Variants in NSD3 observed in about 807,000 individuals in gnomAD.
NSD3 encodes nuclear receptor binding SET domain protein 3.
Under a neutral mutation model 160.8 loss-of-function variants are expected in NSD3, and 24 were observed. The ratio of observed to expected loss-of-function variants is 0.15; its 90% CI spans 0.11 to 0.21. The LOEUF (loss-of-function observed/expected upper bound fraction) is 0.21, where lower values mean the gene tolerates loss of function less well. Ranked by LOEUF, NSD3 falls within the 10% of genes least tolerant of loss-of-function variation. NSD3 has a pLI of 1.00. For synonymous variants in NSD3, 520 were observed against 600.0 expected, an observed-to-expected ratio of 0.87 and a Z score of 1.95; for missense variants, 1,157 against 1,735.9, an observed-to-expected ratio of 0.67 and a Z score of 5.93.
intron 12 of NSD3, among the ~76,000 whole-genome samples, chr8:38,308,448 T>TA (rs1809457225): frequency 6.6e-6 from 1 of 152,028 alleles, no homozygotes; most frequent in Non-Finnish European, 1.5e-5. Context: ...TTTTAAAAAT[T>TA]AAAAAAATAT....
In NSD3 at chr8:38,351,224, G is replaced by A. The variant is rs552207509; in HGVS notation, c.-44-3009C>T. Reference sequence around the variant, plus strand: ...GATCTCCTGACCTCGTGATCCGCCCGCCTCAGCCTGCCAAAGTGCTGGGAT... The same window carrying A: ...GATCTCCTGACCTCGTGATCCGCCCACCTCAGCCTGCCAAAGTGCTGGGAT... On this transcript the variant is annotated intron_variant, in intron 1 of 23. Coordinates refer to ENST00000317025, the MANE Select transcript of NSD3 (RefSeq NM_023034.2). 2.1e-4 allele frequency among the ~76,000 whole-genome samples: 31 copies of A among 150,130 alleles called. 1 individual carries two copies. The East Asian group carries it at 2.6e-3, about 13-fold the overall frequency.
Position 38,275,538 on chromosome 8 carries a change from G to A in NSD3, c.*103C>T. 1 of 1,182,072 alleles carries A rather than the reference G, an allele frequency of 8.5e-7. No individual in the cohort carries two copies. Among genetic ancestry groups the A allele is most frequent in the South Asian group, 1.6e-5 (1 of 60,884 alleles). The allele number at this position is 1,182,072 out of a possible 1,614,324, so 73.2% of individuals were successfully genotyped here. ...TTCCCATTTTTGCTTTAATAAGGCAGTTCCGATGGCAAAGGCTGTATGCAC... is the reference window on the plus strand; with the variant it reads ...TTCCCATTTTTGCTTTAATAAGGCAATTCCGATGGCAAAGGCTGTATGCAC... On this transcript the variant is annotated 3_prime_UTR_variant, in exon 24 of 24. Transcript: ENST00000317025.
At chr8:38,296,039 T>TA (rs1293097576) in intron 15 of NSD3, 87 bp from the exon 16 acceptor site, 3 of 1,342,862 alleles carry the variant, frequency 2.2e-6, no homozygotes, top group Non-Finnish European at 3.0e-6. Flanking sequence ...TTCAGCACAT[T>TA]AAATTTGTTT....
intron 1 of NSD3, among the ~76,000 whole-genome samples, chr8:38,349,332 T>C (rs931515889): frequency 1.3e-5 from 2 of 152,054 alleles, no homozygotes; most frequent in African/African-American, 4.8e-5. Flanking sequence ...TTTTTACTTA[T>C]TTTTCTTTTC....
chr8:38,338,658 A>G (rs1238274225), intron 2 of NSD3, 51 bp from the exon 3 acceptor site: 2 of 1,423,682 alleles, frequency 1.4e-6, no homozygotes, highest in Admixed American at 3.5e-5. Flanking sequence ...AAATAAACAA[A>G]CAAACAAAAA....
chr8:38,362,441 G>A (rs534947839), intron 1 of NSD3, among the ~76,000 whole-genome samples: 3 of 151,792 alleles, frequency 2.0e-5, no homozygotes, highest in Admixed American at 6.6e-5. Flanking sequence ...TCACTCAGAG[G>A]AAAACAGAAA....
chr8:38,346,304 A>C (rs191332826), intron 2 of NSD3, among the ~76,000 whole-genome samples: 60 of 147,692 alleles, frequency 4.1e-4, no homozygotes, highest in Non-Finnish European at 7.1e-4. Context: ...TATAGTATAT[A>C]TAGTATATGT....
Position 38,317,804 on chromosome 8 carries a change from C to T in NSD3, c.1855+1091G>A. 1 of 1,453,798 alleles carries T rather than the reference C, an allele frequency of 6.9e-7. No homozygotes were observed. The highest frequency in any genetic ancestry group is 9.0e-7 in the Non-Finnish European group (1 of 1,106,372). 90.1% of individuals were successfully genotyped at this position (1,453,798 alleles called of 1,614,324 possible). A position where few individuals can be genotyped will look rare whatever the true frequency, so the allele number is the denominator to read the frequency against. ...GACTGTTAAAGCAATTGTTCAGAGT[C>T]TTGAAGAAGAAACCAGGCAGGAAAA... On this transcript the variant is annotated intron_variant, in intron 9 of 23. Coordinates refer to ENST00000317025, the MANE Select transcript of NSD3 (RefSeq NM_023034.2). The surrounding 1 kb of genome is among the most constrained non-coding windows in gnomAD (Gnocchi z 5.3).
intron 1 of NSD3, among the ~76,000 whole-genome samples, chr8:38,353,542 C>T (rs1810752945): frequency 1.3e-5 from 2 of 152,106 alleles, no homozygotes. Context: ...TATTCAGAGA[C>T]TGAGATTTCT....
chr8:38,364,428 G>A (rs1811060745), intron 1 of NSD3, among the ~76,000 whole-genome samples: 1 of 152,180 alleles, frequency 6.6e-6, no homozygotes, highest in Non-Finnish European at 1.5e-5. Flanking sequence ...TTAATTGCTG[G>A]TAGGGTGTTA....
chr8:38,360,622 T>C (rs934440240), intron 1 of NSD3, among the ~76,000 whole-genome samples: 3 of 152,216 alleles, frequency 2.0e-5, no homozygotes, highest in African/African-American at 4.8e-5. Flanking sequence ...CATTTTAGTA[T>C]GTAAAACAAA....
chr8:38,279,824 G>T, intron 20 of NSD3, 143 bp from the exon 21 acceptor site: 1 of 844,988 alleles, frequency 1.2e-6, no homozygotes, highest in Non-Finnish European at 1.8e-6. Flanking sequence ...GAGGCTGCCT[G>T]GGTAATTTAC....
At chr8:38,302,852 C>T (rs1207059430) in intron 14 of NSD3, among the ~76,000 whole-genome samples, 3 of 152,138 alleles carry the variant, frequency 2.0e-5, no homozygotes, top group African/African-American at 2.4e-5. Context: ...CCAAACTGGT[C>T]CTGAACTCCT....
At chr8:38,295,008 G>A (rs1034118767) in intron 16 of NSD3, among the ~76,000 whole-genome samples, 2 of 151,542 alleles carry the variant, frequency 1.3e-5, no homozygotes, top group African/African-American at 4.9e-5. Flanking sequence ...GACGGGCATG[G>A]TAGCGGGCGC....
At chr8:38,294,298 G>A (rs1014944174) in intron 16 of NSD3, among the ~76,000 whole-genome samples, 3 of 152,070 alleles carry the variant, frequency 2.0e-5, no homozygotes, top group East Asian at 1.9e-4. Flanking sequence ...GTTTTGTCAC[G>A]TTGCCCATGC....
intron 2 of NSD3, among the ~76,000 whole-genome samples, chr8:38,345,883 T>A (rs924746157): frequency 6.6e-6 from 1 of 152,182 alleles, no homozygotes; most frequent in Admixed American, 6.5e-5. Context: ...CACTCCAGCA[T>A]GGACAATAAG....
chr8:38,378,597 A>G (rs976127211), intron 1 of NSD3, among the ~76,000 whole-genome samples: 3 of 151,910 alleles, frequency 2.0e-5, no homozygotes, highest in Non-Finnish European at 4.4e-5. Flanking sequence ...AGCCAAGATC[A>G]TGCCACTGCA....
chr8:38,355,108 C>T (rs936281592), intron 1 of NSD3, among the ~76,000 whole-genome samples: 1 of 152,160 alleles, frequency 6.6e-6, no homozygotes, highest in Non-Finnish European at 1.5e-5. Flanking sequence ...GATTAGGGGG[C>T]TCTACTGAGC....
intron 4 of NSD3, among the ~76,000 whole-genome samples, chr8:38,336,984 A>G (rs1363697019): frequency 6.6e-6 from 1 of 152,112 alleles, no homozygotes; most frequent in African/African-American, 2.4e-5. Flanking sequence ...TGTATTAAAA[A>G]TACAAAAACT....
Sources: gnomAD v4.1 joint callset for allele counts (sites outside exome capture counted in the v4.1 genomes callset) on GRCh38, gnomAD v4.1.1 for gene constraint, Gnocchi (gnomAD v3.1) non-coding constraint, MANE v1.5 for transcripts, NCBI Gene and HGNC (gene_info 2026-07-23, HGNC 2026-07-21) for gene names.